Variants in UGGT2 observed in about 807,000 individuals in gnomAD.
The protein encoded by UGGT2 is UDP-glucose glycoprotein glucosyltransferase 2, also known as UDP-glucose:glycoprotein glucosyltransferase 2.
Under a neutral mutation model 192.1 loss-of-function variants are expected in UGGT2, and 180 were observed. The ratio of observed to expected loss-of-function variants is 0.94; its 90% CI spans 0.83 to 1.06. UGGT2 has a LOEUF of 1.06. Among genes scored for constraint, UGGT2 ranks in the 50% least tolerant of loss-of-function variants. The pLI, the probability that UGGT2 is intolerant of heterozygous loss-of-function variation, is 0.00. For synonymous variants in UGGT2, 580 were observed against 591.0 expected, an observed-to-expected ratio of 0.98 and a Z score of 0.27; for missense variants, 1,849 against 1,795.7, an observed-to-expected ratio of 1.03 and a Z score of -0.54.
chr13:95,906,854 A>T (rs1465265345), intron 20 of UGGT2, among the ~76,000 whole-genome samples: 1 of 152,208 alleles, frequency 6.6e-6, no homozygotes, highest in Admixed American at 6.5e-5. Context: ...TGCAGCTCCC[A>T]GTGTGACCGA....
chr13:95,984,518 T>C (rs1470664098), intron 9 of UGGT2, among the ~76,000 whole-genome samples: 1 of 151,992 alleles, frequency 6.6e-6, no homozygotes, highest in Non-Finnish European at 1.5e-5. Context: ...CTTCTAGAGA[T>C]GGAGTCTTCC....
chr13:95,953,569 T>G (rs1382834225), intron 12 of UGGT2, among the ~76,000 whole-genome samples: 1 of 152,108 alleles, frequency 6.6e-6, no homozygotes, highest in Admixed American at 6.6e-5. Flanking sequence ...GAAATAAAGG[T>G]AGAGGTTAAT....
intron 17 of UGGT2, among the ~76,000 whole-genome samples, chr13:95,933,362 A>G (rs2049351956): frequency 6.6e-6 from 1 of 152,158 alleles, no homozygotes; most frequent in Non-Finnish European, 1.5e-5. Flanking sequence ...GTATGCATAG[A>G]GGTCTTCTGA....
At chr13:96,026,720 G>A (rs1246331591) in intron 2 of UGGT2, among the ~76,000 whole-genome samples, 2 of 145,942 alleles carry the variant, frequency 1.4e-5, no homozygotes, top group South Asian at 2.1e-4. Flanking sequence ...GTCGGACTGC[G>A]GACTGCAGTG....
chr13:95,909,436 G>A (rs1445148145), intron 20 of UGGT2, among the ~76,000 whole-genome samples: 1 of 151,444 alleles, frequency 6.6e-6, no homozygotes, highest in East Asian at 1.9e-4. Context: ...AAAATGATGA[G>A]TTCATGTCCT....
chr13:95,928,207 G>A (rs1416230884), intron 17 of UGGT2, among the ~76,000 whole-genome samples: 202 of 152,222 alleles, frequency 1.3e-3, no homozygotes, highest in Non-Finnish European at 1.4e-3. Flanking sequence ...TGGCGGCCGG[G>A]CAGAGGCGCC....
At chr13:95,947,335 A>G (rs1482708932) in intron 14 of UGGT2, among the ~76,000 whole-genome samples, 163 bp from the exon 15 acceptor site, 1 of 152,222 alleles carries the variant, frequency 6.6e-6, no homozygotes, top group Non-Finnish European at 1.5e-5. Context: ...TGTAATGCCT[A>G]TTCACCAAAA....
chr13:95,978,896 T>A (rs900107629), intron 10 of UGGT2, among the ~76,000 whole-genome samples: 2 of 152,238 alleles, frequency 1.3e-5, no homozygotes, highest in African/African-American at 4.8e-5. Flanking sequence ...GAACTCTGTA[T>A]AATTCTCACA....
intron 17 of UGGT2, among the ~76,000 whole-genome samples, chr13:95,935,666 C>T (rs2049439255): frequency 6.6e-6 from 1 of 152,098 alleles, no homozygotes; most frequent in Non-Finnish European, 1.5e-5. Context: ...TGTAACTGAA[C>T]GTCTACTTCA....
intron 7 of UGGT2, among the ~76,000 whole-genome samples, chr13:95,993,615 T>G (rs750659692): frequency 2.0e-5 from 3 of 152,126 alleles, no homozygotes; most frequent in Non-Finnish European, 4.4e-5. Context: ...GTATTAACAT[T>G]TTAAGGCCAC....
At chr13:95,943,092 C>T (rs1442916213) in intron 15 of UGGT2, among the ~76,000 whole-genome samples, 2 of 152,060 alleles carry the variant, frequency 1.3e-5, no homozygotes, top group African/African-American at 2.4e-5. Flanking sequence ...ATGTCTTTCC[C>T]TGAACCAATA....
chr13:95,922,210 A>G (rs1208592113), intron 20 of UGGT2, among the ~76,000 whole-genome samples: 1 of 152,204 alleles, frequency 6.6e-6, no homozygotes, highest in African/African-American at 2.4e-5. Context: ...AAACCAGAAA[A>G]TCAAATGCTG....
intron 20 of UGGT2, among the ~76,000 whole-genome samples, chr13:95,916,366 A>G (rs1041688262): frequency 6.6e-6 from 1 of 152,222 alleles, no homozygotes; most frequent in African/African-American, 2.4e-5. Context: ...CATCGTCAAC[A>G]AAAAGGACTC....
chr13:95,920,684 A>G (rs2048817648), intron 20 of UGGT2, among the ~76,000 whole-genome samples: 2 of 152,196 alleles, frequency 1.3e-5, no homozygotes, highest in Non-Finnish European at 2.9e-5. Context: ...AAAAAGTCGT[A>G]AAAGAACAGA....
chr13:95,907,160 C>T (rs539482951), intron 20 of UGGT2, among the ~76,000 whole-genome samples: 1 of 152,234 alleles, frequency 6.6e-6, no homozygotes, highest in African/African-American at 2.4e-5. Flanking sequence ...TCACTGCTAG[C>T]GCAGCTGTCT....
chr13:95,983,916 G>T (rs9562008), intron 9 of UGGT2, 52 bp from the exon 10 acceptor site: 1 of 1,253,222 alleles, frequency 8.0e-7, no homozygotes. Flanking sequence ...GTTTAGAACT[G>T]ATCTATATAA....
intron 15 of UGGT2, among the ~76,000 whole-genome samples, chr13:95,942,888 A>C (rs934151419): frequency 6.6e-6 from 1 of 152,146 alleles, no homozygotes; most frequent in Non-Finnish European, 1.5e-5. Context: ...TAACTTCTAA[A>C]TGTTTTAAAG....
intron 2 of UGGT2, among the ~76,000 whole-genome samples, chr13:96,027,193 TA>T (rs2139137347): frequency 6.6e-6 from 1 of 152,274 alleles, no homozygotes; most frequent in South Asian, 2.1e-4. Context: ...AAAATATGAC[TA>T]CATCAGTCAA....
chr13:95,991,211 T>C (rs983454097), intron 7 of UGGT2: 3 of 234,544 alleles, frequency 1.3e-5, no homozygotes, highest in African/African-American at 2.2e-5. Flanking sequence ...TATAGTAGAA[T>C]GATTTATAAT....
Sources: gnomAD v4.1 joint callset for allele counts (sites outside exome capture counted in the v4.1 genomes callset) on GRCh38, gnomAD v4.1.1 for gene constraint, MANE v1.5 for transcripts, NCBI Gene and HGNC (gene_info 2026-07-23, HGNC 2026-07-21) for gene names.